Variants in CCDC15 observed in about 807,000 individuals in gnomAD.
CCDC15 encodes coiled-coil domain containing 15, also known as coiled-coil domain-containing protein 15.
In CCDC15, 105 loss-of-function variants were observed where a neutral mutation model predicts 114.5. The ratio of observed to expected loss-of-function variants is 0.92; its 90% confidence interval spans 0.78 to 1.08. CCDC15 has a LOEUF of 1.08. CCDC15 is among the 50% of genes least tolerant of loss of function. The pLI is 0.00. For missense variants in CCDC15, 1,105 were observed against 1,093.6 expected, an observed-to-expected ratio of 1.01 and a Z score of -0.15; for synonymous variants, 334 against 377.8, an observed-to-expected ratio of 0.88 and a Z score of 1.34.
intron 8 of CCDC15, 33 bp downstream of exon 8, chr11:124,988,167 A>T: frequency 6.4e-7 from 1 of 1,574,696 alleles, no homozygotes; most frequent in African/African-American, 1.4e-5. Context: ...TACAAAAAGA[A>T]GAAATAAGCT....
Position 124,959,853 on chromosome 11 carries a change from A to G in CCDC15, c.366A>G (p.Ala122=). ...GCTCCATAGCCATGCAGTCTTCAGC[A>G]ACACACTTAACTTCCAAAAGGACAA... The part of the protein sequence containing the change: ...KEGSIAMQSS[A]THLTSKRTSV... Residue 122 remains alanine, a synonymous_variant, in exon 4 of 16, where the codon GCA becomes GCG. Coordinates refer to ENST00000344762, the MANE Select transcript of CCDC15 (RefSeq NM_025004.3). The G allele has an allele frequency of 6.2e-7, 1 of 1,602,396 alleles. No homozygotes were observed. The highest frequency in any genetic ancestry group is 2.2e-5 in the East Asian group (1 of 44,722).
intron 6 of CCDC15, among the ~76,000 whole-genome samples, chr11:124,978,064 A>C (rs1251336519): frequency 6.6e-6 from 1 of 151,976 alleles, no homozygotes; most frequent in East Asian, 1.9e-4. Context: ...GTTCATATGT[A>C]CTGAATGTTT....
At chr11:125,022,490 G>A (rs2135536520) in intron 13 of CCDC15, among the ~76,000 whole-genome samples, 1 of 152,062 alleles carries the variant, frequency 6.6e-6, no homozygotes, top group African/African-American at 2.4e-5. Flanking sequence ...AAGTGGCTTT[G>A]TCACTTTGCT....
intron 4 of CCDC15, among the ~76,000 whole-genome samples, chr11:124,961,335 A>G (rs1591568603): frequency 6.6e-6 from 1 of 152,186 alleles, no homozygotes; most frequent in African/African-American, 2.4e-5. Context: ...CCATGGGTTT[A>G]TATTTTCAGG....
chr11:124,975,932 T>C (rs1947965471), intron 5 of CCDC15, among the ~76,000 whole-genome samples: 1 of 152,014 alleles, frequency 6.6e-6, no homozygotes, highest in South Asian at 2.1e-4. Context: ...CTTAGGAGGA[T>C]ATGTAAGTCT....
At chr11:125,019,739 C>T (rs116607457) in intron 13 of CCDC15, among the ~76,000 whole-genome samples, 2,225 of 151,820 alleles carry the variant, frequency 0.015, 58 homozygotes, top group African/African-American at 0.05. Context: ...GTAGAGGTGA[C>T]GAGAATAAGT....
intron 6 of CCDC15, 32 bp from the exon 7 acceptor site, chr11:124,986,710 C>CAT (rs1948167129): frequency 7.0e-7 from 1 of 1,420,832 alleles, no homozygotes; most frequent in Non-Finnish European, 9.4e-7. Context: ...TGCGCGCGCG[C>CAT]GCGTGCGCGT....
chr11:124,991,102 G>C (rs901211570), intron 8 of CCDC15, among the ~76,000 whole-genome samples: 1 of 152,206 alleles, frequency 6.6e-6, no homozygotes, highest in African/African-American at 2.4e-5. Context: ...TAGAAAGCAA[G>C]TCTGAAGCAG....
In CCDC15 at chr11:124,977,540, C is replaced by T. The variant is rs759301615; in HGVS notation, c.693C>T (p.Pro231=). 39 of 1,608,508 alleles carry T rather than the reference C, an allele frequency of 2.4e-5. No individual in the cohort carries two copies. Among genetic ancestry groups the T allele is most frequent in the Non-Finnish European group, 3.2e-5 (38 of 1,177,250 alleles). ...GINTGIRGEL[P]IKVHQGLLAA... is the part of the protein sequence containing the mutation. ...ATACAGGAATAAGAGGAGAGTTGCC[C>T]ATTAAGGTCCATCAAGGTCTTTTAG... Residue 231 remains proline (P), a synonymous_variant, in exon 6 of 16, where the codon CCC becomes CCT. Coordinates refer to ENST00000344762, the MANE Select transcript of CCDC15 (RefSeq NM_025004.3).
In CCDC15 at chr11:124,954,210, T is replaced by C. The variant is rs1947505479; in HGVS notation, c.-170T>C. ...ACCTTAGTACTCCGAGTAGACTGAGTCTGTGGCGAGCTGCGGGCCGATTCC... is the reference window on the plus strand; with the variant it reads ...ACCTTAGTACTCCGAGTAGACTGAGCCTGTGGCGAGCTGCGGGCCGATTCC... On this transcript the variant is annotated 5_prime_UTR_variant, in exon 1 of 16. Transcript: ENST00000344762. 1 of 155,174 alleles carries C rather than the reference T, an allele frequency of 6.4e-6. No individual in the cohort carries two copies. Among genetic ancestry groups the C allele is most frequent in the Non-Finnish European group, 1.4e-5 (1 of 69,826 alleles). 9.6% of individuals were successfully genotyped at this position (155,174 alleles called of 1,614,324 possible). A position where few individuals can be genotyped will look rare whatever the true frequency, so the allele number is the denominator to read the frequency against.
chr11:124,988,487 T>C (rs1948214028), intron 8 of CCDC15, among the ~76,000 whole-genome samples: 1 of 152,212 alleles, frequency 6.6e-6, no homozygotes, highest in Non-Finnish European at 1.5e-5. Flanking sequence ...CTCAATGTTG[T>C]TATCTGCTGA....
In CCDC15 at chr11:124,977,689, T is replaced by C. The variant is rs537444599; in HGVS notation, c.753+89T>C. ...AAGGATGGGATAAAGGGTTAAGATA[T>C]CCAGTATTTTTTTTAACGGACTTTA... On this transcript the variant is annotated intron_variant, in intron 6 of 15. Coordinates refer to ENST00000344762, the MANE Select transcript of CCDC15 (RefSeq NM_025004.3). 14 of 1,310,266 alleles carry C rather than the reference T, an allele frequency of 1.1e-5. No individual in the cohort carries two copies. In the Middle Eastern group the frequency reaches 6.0e-4, roughly 56 times the overall value. The allele number at this position is 1,310,266 out of a possible 1,614,324, so 81.2% of individuals were successfully genotyped here. A position where few individuals can be genotyped will look rare whatever the true frequency, so the allele number is the denominator to read the frequency against.
At position 124,959,865 on chromosome 11, in the gene CCDC15, T is replaced by C. The variant is rs1469080621; in HGVS notation, c.378T>C (p.Thr126=). ...TGCAGTCTTCAGCAACACACTTAAC[T>C]TCCAAAAGGACAAGTGTTTTTCCAA... ...IAMQSSATHL[T]SKRTSVFPNN... The change falls in exon 4 of 16, where the codon ACT becomes ACC. Residue 126 remains threonine (T), a synonymous_variant. Coordinates refer to ENST00000344762, the MANE Select transcript of CCDC15 (RefSeq NM_025004.3). The C allele has an allele frequency of 1.2e-6, 2 of 1,601,156 alleles. No individual in the cohort carries two copies. Among genetic ancestry groups the C allele is most frequent in the East Asian group, 2.2e-5 (1 of 44,710 alleles).
intron 13 of CCDC15, among the ~76,000 whole-genome samples, chr11:125,011,242 A>ATTTTTTTTTTTT (rs558615124): frequency 6.3e-5 from 9 of 143,534 alleles, no homozygotes; most frequent in South Asian, 2.2e-4. Context: ...TATTATTATT[A>ATTTTTTTTTTTT]TTATTATTTT....
At chr11:124,995,895 A>G (rs569632776) in intron 11 of CCDC15, among the ~76,000 whole-genome samples, 1 of 151,914 alleles carries the variant, frequency 6.6e-6, no homozygotes, top group Admixed American at 6.5e-5. Flanking sequence ...CAGTTGCGCA[A>G]TCTCAGCTCA....
intron 13 of CCDC15, among the ~76,000 whole-genome samples, chr11:125,030,299 C>T (rs924144196): frequency 6.6e-6 from 1 of 152,082 alleles, no homozygotes; most frequent in Non-Finnish European, 1.5e-5. Flanking sequence ...ACCTAATTGG[C>T]GTTGTAATTG....
At chr11:125,021,717 C>T (rs1013500468) in intron 13 of CCDC15, among the ~76,000 whole-genome samples, 3 of 151,810 alleles carry the variant, frequency 2.0e-5, no homozygotes, top group Admixed American at 6.6e-5. Flanking sequence ...AAAAGAGGGA[C>T]GGGGCTGACT....
chr11:125,000,297 T>G (rs1009497242), intron 11 of CCDC15, among the ~76,000 whole-genome samples: 1 of 152,230 alleles, frequency 6.6e-6, no homozygotes, highest in Non-Finnish European at 1.5e-5. Context: ...ATCTCTCCTA[T>G]GCACCATGGC....
chr11:124,973,668 G>C (rs1947923711), intron 4 of CCDC15, among the ~76,000 whole-genome samples: 3 of 152,000 alleles, frequency 2.0e-5, no homozygotes, highest in African/African-American at 2.4e-5. Context: ...CTGTCGTCCA[G>C]GTTAGGGTGC....
Sources: allele counts gnomAD v4.1 joint callset (sites outside exome capture counted in the v4.1 genomes callset), GRCh38; gene constraint gnomAD v4.1.1; transcripts MANE v1.5; gene names NCBI Gene and HGNC (gene_info 2026-07-23, HGNC 2026-07-21).